Variants in ACKR2 observed in about 807,000 individuals in gnomAD.
ACKR2 encodes C-C chemokine receptor D6.
For synonymous variants in ACKR2, 207 were observed against 192.2 expected (o/e 1.08, Z -0.64); for missense variants, 457 against 477.3 (o/e 0.96, Z 0.40).
chr3:42,818,951 A>G (rs980764745), intron 1 of ACKR2, among the ~76,000 whole-genome samples: 25 of 152,060 alleles, frequency 1.6e-4, no homozygotes, highest in African/African-American at 5.6e-4. Context: ...CAGCTCCTCA[A>G]ATTCCTTTTT....
intron 2 of ACKR2, among the ~76,000 whole-genome samples, chr3:42,821,215 T>TA (rs1398540190): frequency 1.3e-5 from 2 of 152,198 alleles, no homozygotes; most frequent in East Asian, 3.9e-4. Context: ...AAAGACCTGT[T>TA]ACGATTTCTG....
chr3:42,820,154 A>C (rs1700795039), intron 2 of ACKR2, among the ~76,000 whole-genome samples: 1 of 152,236 alleles, frequency 6.6e-6, no homozygotes, highest in African/African-American at 2.4e-5. Context: ...CACAGTAAGA[A>C]CAGGATAATG....
At chr3:42,811,021 T>G (rs1394285839) in intron 1 of ACKR2, among the ~76,000 whole-genome samples, 1 of 152,154 alleles carries the variant, frequency 6.6e-6, no homozygotes, top group African/African-American at 2.4e-5. Flanking sequence ...GGCTAACTTT[T>G]GTATATTTAG....
chr3:42,835,329 C>A (rs1700977202), intron 2 of ACKR2: 1 of 151,744 alleles, frequency 6.6e-6, no homozygotes, highest in African/African-American at 2.4e-5. Flanking sequence ...GGTGAGGGCT[C>A]TAATTTTTCT....
In ACKR2 at chr3:42,865,244, G is replaced by A. The variant is rs754502272; in HGVS notation, c.742G>A (p.Ala248Thr). Reference protein sequence around the residue: ...VRLRPAGQGRALKIAAALVVA... With the variant: ...VRLRPAGQGRTLKIAAALVVA... Reference sequence around the variant, plus strand: ...GCTGAGGCCCGCAGGCCAGGGCCGGGCTTTAAAAATAGCTGCAGCCTTGGT... The same window carrying A: ...GCTGAGGCCCGCAGGCCAGGGCCGGACTTTAAAAATAGCTGCAGCCTTGGT... The change falls in exon 3 of 3, where the codon GCT becomes ACT. Residue 248 changes from alanine to threonine, a missense_variant. Coordinates refer to ENST00000422265, the MANE Select transcript of ACKR2 (RefSeq NM_001296.5). The A allele has an allele frequency of 3.3e-5, 54 of 1,614,080 alleles. No individual in the cohort carries two copies. Among genetic ancestry groups the A allele is most frequent in the Non-Finnish European group, 4.4e-5 (52 of 1,180,048 alleles).
At chr3:42,846,416 A>C (rs1016900146) in intron 2 of ACKR2, among the ~76,000 whole-genome samples, 2 of 152,336 alleles carry the variant, frequency 1.3e-5, no homozygotes, top group African/African-American at 4.8e-5. Flanking sequence ...CATCCTGTCC[A>C]TGACACTTAC....
At chr3:42,839,011 C>T (rs1300121242) in intron 2 of ACKR2, 2 of 152,182 alleles carry the variant, frequency 1.3e-5, no homozygotes, top group African/African-American at 4.8e-5. Flanking sequence ...GAGTCTGACT[C>T]AATTTTTGAT....
intron 2 of ACKR2, among the ~76,000 whole-genome samples, chr3:42,828,092 A>ATATATATTTTTTTTTTTTT (rs1193533555): frequency 5.7e-5 from 7 of 121,898 alleles, no homozygotes; most frequent in Non-Finnish European, 1.0e-4. Flanking sequence ...ATATATATAT[A>ATATATATTTTTTTTTTTTT]TTTTTTTTTT....
At chr3:42,859,449 G>T (rs2088357771) in intron 2 of ACKR2, among the ~76,000 whole-genome samples, 1 of 151,832 alleles carries the variant, frequency 6.6e-6, no homozygotes, top group African/African-American at 2.4e-5. Context: ...CGCGGTCTTG[G>T]CTCACTGCAA....
At chr3:42,836,778 C>T (rs184974838) in intron 2 of ACKR2, among the ~76,000 whole-genome samples, 1 of 152,282 alleles carries the variant, frequency 6.6e-6, no homozygotes, top group Non-Finnish European at 1.5e-5. Context: ...AGATAAGTTT[C>T]CTAGGACTGT....
At chr3:42,820,466 G>A (rs1017598831) in intron 2 of ACKR2, among the ~76,000 whole-genome samples, 4 of 151,720 alleles carry the variant, frequency 2.6e-5, no homozygotes, top group African/African-American at 4.8e-5. Flanking sequence ...GGTGGTGGGC[G>A]CCTGTAGTCC....
chr3:42,853,283 C>T (rs1365977200), intron 2 of ACKR2, among the ~76,000 whole-genome samples: 3 of 152,274 alleles, frequency 2.0e-5, no homozygotes, highest in Non-Finnish European at 4.4e-5. Flanking sequence ...CTGCCATATA[C>T]TTGCTGTGTG....
chr3:42,838,572 A>G (rs1429617575), intron 2 of ACKR2, among the ~76,000 whole-genome samples: 1 of 152,242 alleles, frequency 6.6e-6, no homozygotes, highest in Non-Finnish European at 1.5e-5. Flanking sequence ...ATGTGAAACA[A>G]TTGTAACTCT....
At position 42,866,177 on chromosome 3, in the gene ACKR2, C is replaced by CTTTTTTTTTTTTTTTTTTTTT. The variant is rs59894863; in HGVS notation, c.*536_*537insTTTTTTTTTTTTTTTTTTTTT. Reference sequence around the variant, plus strand: ...TTTTTTTTCTTTCTTTCTTTCTTTTCTTTTTTTTTTTTTTTTGAGACGGAG... The same window carrying CTTTTTTTTTTTTTTTTTTTTT: ...TTTTTTTTCTTTCTTTCTTTCTTTTCTTTTTTTTTTTTTTTTTTTTTTTTTTTTTTTTTTTTTGAGACGGAG... On this transcript the variant is annotated 3_prime_UTR_variant, in exon 3 of 3. Coordinates refer to ENST00000422265, the MANE Select transcript of ACKR2 (RefSeq NM_001296.5). 1 of 122,046 alleles carries CTTTTTTTTTTTTTTTTTTTTT rather than the reference C, an allele frequency of 8.2e-6. No homozygotes were observed. The highest frequency in any genetic ancestry group is 3.1e-5 in the African/African-American group (1 of 31,864). 7.6% of individuals were successfully genotyped at this position (122,046 alleles called of 1,614,324 possible).
In ACKR2 at chr3:42,849,049, G is replaced by A. The variant is rs1432198950; in HGVS notation, c.-37-15417G>A. 2.6e-5 allele frequency among the ~76,000 whole-genome samples: 4 copies of A among 152,336 alleles called. No individual in the cohort carries two copies. The East Asian group carries it at 7.7e-4, about 29-fold the overall frequency. On this transcript the variant is annotated intron_variant, in intron 2 of 2. Transcript: ENST00000422265. The stretch of plus-strand genomic sequence containing the variant: ...GAGACAAAGGAGACATAAGAACCAA[G>A]CGCATTCTGGTTTAGATCCTGGGCC...
chr3:42,820,298 G>C (rs187274125), intron 2 of ACKR2, among the ~76,000 whole-genome samples: 1 of 152,234 alleles, frequency 6.6e-6, no homozygotes, highest in African/African-American at 2.4e-5. Flanking sequence ...CTCAGGGACA[G>C]GAACCTGCCT....
intron 2 of ACKR2, among the ~76,000 whole-genome samples, chr3:42,833,467 A>G (rs918640802): frequency 6.6e-6 from 1 of 152,190 alleles, no homozygotes; most frequent in Non-Finnish European, 1.5e-5. Context: ...TGGTGCACCC[A>G]TCACCCAAGC....
intron 2 of ACKR2, chr3:42,839,310 A>G (rs1441501814): frequency 6.6e-6 from 1 of 151,996 alleles, no homozygotes; most frequent in African/African-American, 2.4e-5. Context: ...AATCCTCCTG[A>G]TGAGTGTGTG....
At chr3:42,829,075 T>A (rs1227403896) in intron 2 of ACKR2, among the ~76,000 whole-genome samples, 1 of 151,686 alleles carries the variant, frequency 6.6e-6, no homozygotes, top group African/African-American at 2.4e-5. Flanking sequence ...TGGTATAGAG[T>A]GGACTTGAAC....
Sources: gnomAD v4.1 joint callset for allele counts (sites outside exome capture counted in the v4.1 genomes callset) on GRCh38, gnomAD v4.1.1 for gene constraint, MANE v1.5 for transcripts, NCBI Gene and HGNC (gene_info 2026-07-23, HGNC 2026-07-21) for gene names.